Variants in PIGN observed in about 807,000 individuals in gnomAD.
The protein encoded by PIGN is GPI ethanolamine phosphate transferase 1.
PIGN carries 117 observed loss-of-function variants against 125.4 expected under a neutral mutation model. That is an observed-to-expected ratio of 0.93 (90% confidence interval 0.80 to 1.09). The LOEUF (loss-of-function observed/expected upper bound fraction) is 1.09. PIGN is among the 50% of genes least tolerant of loss of function. PIGN has a pLI of 0.00. For missense variants in PIGN, 1,075 were observed against 1,094.9 expected, an observed-to-expected ratio of 0.98 and a Z score of 0.26; for synonymous variants, 392 against 377.8, an observed-to-expected ratio of 1.04 and a Z score of -0.44.
In PIGN at chr18:62,157,787, G is replaced by A; in HGVS notation, c.243C>T (p.Gly81=). The change falls in exon 5 of 31, where the codon GGC becomes GGT. Residue 81 remains glycine (G), a synonymous_variant. Coordinates refer to ENST00000640252, the MANE Select transcript of PIGN (RefSeq NM_176787.5). ...CACGTGTATGAGATATGCCCCAGCT[G>A]CCTTCATGCATTATGATATTCCTAA... The part of the protein sequence containing the change: ...PFIRNIIMHE[G]SWGISHTRVP... The A allele has an allele frequency of 6.2e-7, 1 of 1,611,522 alleles. No individual in the cohort carries two copies.
At chr18:62,156,176 G>T (rs1047726184) in intron 6 of PIGN, among the ~76,000 whole-genome samples, 7 of 151,964 alleles carry the variant, frequency 4.6e-5, no homozygotes, top group Non-Finnish European at 8.8e-5. Context: ...AATATTTGCA[G>T]AATCATGCAT....
At chr18:62,058,638 T>A (rs1269394328) in intron 30 of PIGN, among the ~76,000 whole-genome samples, 1 of 152,242 alleles carries the variant, frequency 6.6e-6, no homozygotes, top group Non-Finnish European at 1.5e-5. Flanking sequence ...TACATCAACA[T>A]GTTGAATAGT....
At chr18:62,108,199 A>T (rs1326532405) in intron 17 of PIGN, among the ~76,000 whole-genome samples, 1 of 152,230 alleles carries the variant, frequency 6.6e-6, no homozygotes, top group Non-Finnish European at 1.5e-5. Context: ...GGATCAACAG[A>T]TGATTTTGTA....
intron 14 of PIGN, chr18:62,136,956 G>A: frequency 2.5e-6 from 1 of 394,718 alleles, no homozygotes; most frequent in East Asian, 3.6e-5. Context: ...CTACTGTGAT[G>A]GTTAATATTG....
In PIGN at chr18:62,044,873, A is replaced by G. The variant is rs545363896; in HGVS notation, c.*983T>C. 8 of 152,344 alleles carry G rather than the reference A, an allele frequency of 5.3e-5. No individual in the cohort carries two copies. The highest frequency in any genetic ancestry group is 1.9e-4 in the African/African-American group (8 of 41,590). The allele number at this position is 152,344 out of a possible 1,614,324, so 9.4% of individuals were successfully genotyped here. ...ATAATCCATATAAAAACTGCTCTCA[A>G]GATATTTTGCCCATTAGAATTTGTT... On this transcript the variant is annotated 3_prime_UTR_variant, in exon 31 of 31. Coordinates refer to ENST00000640252, the MANE Select transcript of PIGN (RefSeq NM_176787.5).
In PIGN at chr18:62,082,695, T is replaced by C; in HGVS notation, c.2554A>G (p.Thr852Ala). The C allele has an allele frequency of 6.5e-7, 1 of 1,549,266 alleles. No homozygotes were observed. Among genetic ancestry groups the C allele is most frequent in the Non-Finnish European group, 8.8e-7 (1 of 1,140,838 alleles). ...VMCAFEAVQL[T>A]TQLSSKSLFL... is the part of the protein sequence containing the mutation. ...TACCTTTTTGACGATAACTGAGTAGTCAACTGAACTGCTTCAAAAGCACAC... is the reference window on the plus strand; with the variant it reads ...TACCTTTTTGACGATAACTGAGTAGCCAACTGAACTGCTTCAAAAGCACAC... Residue 852 changes from threonine (T) to alanine (A), a missense_variant, in exon 28 of 31, where the codon ACT becomes GCT. By Grantham distance (58) the Thr-to-Ala change is moderately conservative (BLOSUM62 0). Coordinates refer to ENST00000640252, the MANE Select transcript of PIGN (RefSeq NM_176787.5).
chr18:62,145,529 C>T (rs905063558), intron 10 of PIGN, among the ~76,000 whole-genome samples: 1 of 152,140 alleles, frequency 6.6e-6, no homozygotes. Context: ...ACAGCATGTA[C>T]TTTGTTTGGG....
intron 23 of PIGN, among the ~76,000 whole-genome samples, chr18:62,034,712 A>G (rs1458633100): frequency 1.3e-5 from 2 of 152,152 alleles, no homozygotes; most frequent in Non-Finnish European, 2.9e-5. Flanking sequence ...AAACAGGTGT[A>G]TTTACCCAAT....
intron 22 of PIGN, among the ~76,000 whole-genome samples, chr18:62,099,439 G>A (rs1213292786): frequency 2.6e-5 from 4 of 151,884 alleles, no homozygotes; most frequent in Non-Finnish European, 5.9e-5. Flanking sequence ...CACAGAAATA[G>A]AAAAAATCCT....
At chr18:62,092,318 C>T (rs1340170135) in intron 23 of PIGN, among the ~76,000 whole-genome samples, 3 of 151,974 alleles carry the variant, frequency 2.0e-5, no homozygotes, top group Non-Finnish European at 4.4e-5. Flanking sequence ...TGAAATAGTA[C>T]CCCTCATATA....
intron 19 of PIGN, among the ~76,000 whole-genome samples, chr18:62,106,477 A>T (rs557021676): frequency 6.6e-6 from 1 of 152,132 alleles, no homozygotes; most frequent in South Asian, 2.1e-4. Flanking sequence ...GCTGCTCTGG[A>T]CGACTCCTTG....
intron 14 of PIGN, among the ~76,000 whole-genome samples, chr18:62,128,045 AT>A (rs1212081158): frequency 1.3e-5 from 2 of 152,182 alleles, no homozygotes; most frequent in Non-Finnish European, 2.9e-5. Flanking sequence ...GGTTTAGGAT[AT>A]TTATCTTCTA....
In PIGN at chr18:62,154,528, C is replaced by A; in HGVS notation, c.549+17G>T. ...AAAAATATGCTTTTTGTATATTAAC[C>A]ACTCAATAGCACAAACCTTAACATT... On this transcript the variant is annotated intron_variant, in intron 7 of 30. Coordinates refer to ENST00000640252, the MANE Select transcript of PIGN (RefSeq NM_176787.5). The A allele has an allele frequency of 8.7e-7, 1 of 1,145,692 alleles. No individual in the cohort carries two copies. The highest frequency in any genetic ancestry group is 1.5e-5 in the African/African-American group (1 of 64,904). The allele number at this position is 1,145,692 out of a possible 1,614,324, so 71.0% of individuals were successfully genotyped here.
At chr18:62,172,557 A>G (rs2037377440) in intron 1 of PIGN, among the ~76,000 whole-genome samples, 1 of 152,158 alleles carries the variant, frequency 6.6e-6, no homozygotes, top group Non-Finnish European at 1.5e-5. Context: ...GTACATTAAG[A>G]TGTATTTGTA....
intron 14 of PIGN, 72 bp from the exon 15 acceptor site, chr18:62,114,711 T>C: frequency 1.5e-6 from 1 of 667,000 alleles, no homozygotes; most frequent in Non-Finnish European, 2.3e-6. Flanking sequence ...TTCCCCTTAA[T>C]TAAAAAACAA....
Position 62,109,913 on chromosome 18 carries a change from G to GA in PIGN, c.1494dup (p.Leu499SerfsTer58), listed in dbSNP as rs750418747. 10 of 1,613,250 alleles carry GA rather than the reference G, an allele frequency of 6.2e-6. No individual in the cohort carries two copies. The highest frequency in any genetic ancestry group is 2.2e-5 in the East Asian group (1 of 44,786). On this transcript the variant is annotated frameshift_variant, in exon 17 of 31. Coordinates refer to ENST00000640252, the MANE Select transcript of PIGN (RefSeq NM_176787.5). LOFTEE classifies it high-confidence loss of function. ...GTCCAGGGACAGGCTTGAATCAGCA[G>GA]AAAAAATGCTACTAAAATGCCAATA...
At chr18:62,169,768 G>C (rs535395066) in intron 1 of PIGN, among the ~76,000 whole-genome samples, 13 of 152,134 alleles carry the variant, frequency 8.5e-5, no homozygotes, top group Admixed American at 3.9e-4. Context: ...CCACAGGTGA[G>C]AGCCAGCATG....
intron 25 of PIGN, among the ~76,000 whole-genome samples, chr18:62,085,500 T>C (rs1399617800): frequency 6.6e-6 from 1 of 152,116 alleles, no homozygotes; most frequent in African/African-American, 2.4e-5. Flanking sequence ...ACTCAGTTCC[T>C]AGTAAGTTAT....
intron 30 of PIGN, among the ~76,000 whole-genome samples, chr18:62,068,114 G>T (rs1568137570): frequency 6.6e-6 from 1 of 152,040 alleles, no homozygotes; most frequent in African/African-American, 2.4e-5. Flanking sequence ...TTGTTTGTTT[G>T]TTTTTTTGTC....
Sources: allele counts gnomAD v4.1 joint callset (sites outside exome capture counted in the v4.1 genomes callset), GRCh38; gene constraint gnomAD v4.1.1; transcripts MANE v1.5; gene names NCBI Gene and HGNC (gene_info 2026-07-23, HGNC 2026-07-21).